The following SPATA13 variants were observed in gnomAD, a reference collection of about 807,000 sequenced individuals.
SPATA13 encodes spermatogenesis associated 13.
Under a neutral mutation model 104.0 loss-of-function variants are expected in SPATA13, and 50 were observed. The observed-to-expected ratio is 0.48, with a 90% confidence interval of 0.38 to 0.61. The LOEUF (loss-of-function observed/expected upper bound fraction) is 0.61. SPATA13 is among the 20% of genes least tolerant of loss of function. The pLI is 0.00. For synonymous variants in SPATA13, 606 were observed against 667.5 expected (o/e 0.91, Z 1.42); for missense variants, 1,524 against 1,690.6 (o/e 0.90, Z 1.73).
At chr13:24,257,462 A>G (rs1200753969) in intron 4 of SPATA13, among the ~76,000 whole-genome samples, 3 of 152,254 alleles carry the variant, frequency 2.0e-5, no homozygotes, top group African/African-American at 7.2e-5. Context: ...ATAAAAGAGG[A>G]AAGTCAAGAT....
intron 3 of SPATA13, among the ~76,000 whole-genome samples, chr13:24,094,185 T>C (rs1454242554): frequency 2.0e-5 from 3 of 152,242 alleles, no homozygotes; most frequent in African/African-American, 7.2e-5. Flanking sequence ...AAGTACTATT[T>C]GATGCAGCTT....
chr13:24,119,192 C>T (rs1593341860), intron 3 of SPATA13, among the ~76,000 whole-genome samples: 1 of 152,092 alleles, frequency 6.6e-6, no homozygotes, highest in Non-Finnish European at 1.5e-5. Context: ...CAGGCGTGAG[C>T]CACCGCGCCC....
At chr13:23,996,256 C>G (rs1352990115) in intron 2 of SPATA13, among the ~76,000 whole-genome samples, 1 of 152,050 alleles carries the variant, frequency 6.6e-6, no homozygotes, top group East Asian at 1.9e-4. Flanking sequence ...CCTTGCCTTT[C>G]CACCTTCTAG....
chr13:24,146,406 C>T lies in SPATA13; in HGVS notation c.-111-76413C>T, dbSNP rs74707307. On this transcript the variant is annotated intron_variant, in intron 3 of 14. Coordinates refer to the SPATA13 transcript ENST00000424834. ...CCAGATCACCGAGTACCCTTGTGAT[C>T]GTTAGCTGCTTCCATGCAGGCAGGC... Among the ~76,000 whole-genome samples, 216 of 152,342 alleles carry T rather than the reference C, an allele frequency of 1.4e-3. 5 individuals carry two copies. The East Asian group carries it at 0.04, about 28-fold the overall frequency.
chr13:24,187,215 G>T (rs1869204810), intron 1 of SPATA13, among the ~76,000 whole-genome samples: 1 of 152,180 alleles, frequency 6.6e-6, no homozygotes. Flanking sequence ...AAAGGAGAAA[G>T]AAATAGTCAC....
At chr13:24,135,555 G>A (rs572742056) in intron 3 of SPATA13, among the ~76,000 whole-genome samples, 2 of 152,004 alleles carry the variant, frequency 1.3e-5, no homozygotes, top group South Asian at 2.1e-4. Context: ...AAAATTAGCC[G>A]GGCATGGTGG....
chr13:24,290,524 T>C lies in SPATA13; in HGVS notation c.2848-128T>C, dbSNP rs1376783067. On this transcript the variant is annotated intron_variant, in intron 8 of 12. Transcript: ENST00000382108. Reference sequence around the variant, plus strand: ...GGGTGCCAGCGGATTTCATGCCCTGTCCTTCTTGCAGTAGTCCATCTTCCT... The same window carrying C: ...GGGTGCCAGCGGATTTCATGCCCTGCCCTTCTTGCAGTAGTCCATCTTCCT... 4 of 730,614 alleles carry C rather than the reference T, an allele frequency of 5.5e-6. 1 individual carries two copies. Among genetic ancestry groups the C allele is most frequent in the Non-Finnish European group, 9.5e-6 (4 of 420,596 alleles). The allele number at this position is 730,614 out of a possible 1,614,324, so 45.3% of individuals were successfully genotyped here.
chr13:24,126,433 C>A (rs1013416323), intron 3 of SPATA13, among the ~76,000 whole-genome samples: 1 of 152,330 alleles, frequency 6.6e-6, no homozygotes, highest in South Asian at 2.1e-4. Context: ...ACTTGGGTAA[C>A]TTTCTCCTTC....
chr13:24,271,039 T>A (rs1874571541), intron 4 of SPATA13: 21 of 688,106 alleles, frequency 3.1e-5, no homozygotes, highest in Non-Finnish European at 3.7e-5. Context: ...TCTCTCTCTC[T>A]CACTCTCTCT....
At chr13:24,107,027 G>A (rs1880476017) in intron 3 of SPATA13, among the ~76,000 whole-genome samples, 2 of 150,946 alleles carry the variant, frequency 1.3e-5, no homozygotes, top group Non-Finnish European at 2.9e-5. Flanking sequence ...TTCAGATTAA[G>A]TACAACATGA....
At chr13:24,022,656 G>C (rs1877037956) in intron 3 of SPATA13, among the ~76,000 whole-genome samples, 1 of 152,024 alleles carries the variant, frequency 6.6e-6, no homozygotes, top group South Asian at 2.1e-4. Flanking sequence ...AATTTTTTGG[G>C]GCTAAAACAA....
intron 4 of SPATA13, among the ~76,000 whole-genome samples, chr13:24,276,440 G>T (rs1292369345): frequency 6.6e-6 from 1 of 152,218 alleles, no homozygotes; most frequent in East Asian, 1.9e-4. Flanking sequence ...TTCATATGAA[G>T]TATCTAAAGT....
At chr13:24,177,419 A>T (rs1868499670) in intron 1 of SPATA13, among the ~76,000 whole-genome samples, 1 of 152,198 alleles carries the variant, frequency 6.6e-6, no homozygotes. Context: ...TGGTTTATAA[A>T]TGGTGCCTTC....
At chr13:24,060,525 A>G (rs887907855) in intron 3 of SPATA13, among the ~76,000 whole-genome samples, 1 of 152,264 alleles carries the variant, frequency 6.6e-6, no homozygotes, top group Non-Finnish European at 1.5e-5. Flanking sequence ...AGGCATAGGG[A>G]AAGATTTCAT....
chr13:24,004,583 C>A (rs1054361832), intron 2 of SPATA13, among the ~76,000 whole-genome samples: 1 of 152,126 alleles, frequency 6.6e-6, no homozygotes, highest in Non-Finnish European at 1.5e-5. Flanking sequence ...GGGAGTTCTC[C>A]TGGGTGTCCT....
intron 3 of SPATA13, among the ~76,000 whole-genome samples, chr13:24,139,053 G>A (rs1456716214): frequency 2.6e-5 from 4 of 152,164 alleles, no homozygotes; most frequent in African/African-American, 4.8e-5. Context: ...ACTTTGGGAC[G>A]TGTCAGCAGA....
chr13:24,021,070 A>G (rs945390102), intron 3 of SPATA13, among the ~76,000 whole-genome samples: 3 of 152,232 alleles, frequency 2.0e-5, no homozygotes. Context: ...TGGCTCATAA[A>G]CATGTGCATG....
Position 24,223,785 on chromosome 13 carries a change from C to T in SPATA13, c.856C>T (p.Pro286Ser). ...DLRTAHDARV[P>S]QRTLSSSSTD... ...CAGGACGGCCCATGACGCACGGGTA[C>T]CACAGAGGACCCTGAGCAGTTCCTC... Residue 286 changes from proline (P) to serine (S), a missense_variant, in exon 2 of 13, where the codon CCA becomes TCA. By Grantham distance (74) the Pro-to-Ser change is moderately conservative (BLOSUM62 -1). This residue lies in a region of SPATA13 where 1,089 missense variants were observed against 1,135.9 expected (regional missense o/e 0.96). Transcript: ENST00000382108. The T allele has an allele frequency of 6.4e-7, 1 of 1,551,814 alleles. No individual in the cohort carries two copies. The highest frequency in any genetic ancestry group is 8.7e-7 in the Non-Finnish European group (1 of 1,147,010).
chr13:24,123,430 A>G (rs1239145204), intron 3 of SPATA13: 5 of 1,402,080 alleles, frequency 3.6e-6, no homozygotes, highest in Non-Finnish European at 5.1e-6. Flanking sequence ...TGATTCTGCA[A>G]CATGCATTCC....
Sources: allele counts gnomAD v4.1 joint callset (sites outside exome capture counted in the v4.1 genomes callset), GRCh38; gene constraint gnomAD v4.1.1; regional missense constraint gnomAD v4.1.1; transcripts MANE v1.5; gene names NCBI Gene and HGNC (gene_info 2026-07-23, HGNC 2026-07-21).